KCNIP4: variants seen among roughly 807,000 people sequenced by gnomAD.
KCNIP4 encodes potassium voltage-gated channel interacting protein 4, also known as Kv channel-interacting protein 4.
Under a neutral mutation model 34.0 loss-of-function variants are expected in KCNIP4, and 12 were observed. The observed-to-expected ratio is 0.35, with a 90% CI of 0.23 to 0.57. The LOEUF (loss-of-function observed/expected upper bound fraction) is 0.57, where lower values mean the gene tolerates loss of function less well. Among genes scored for constraint, KCNIP4 ranks in the 20% least tolerant of loss-of-function variants. The pLI is 0.83. For missense variants in KCNIP4, 238 were observed against 311.7 expected, an observed-to-expected ratio of 0.76 and a Z score of 1.78; for synonymous variants, 124 against 102.2, an observed-to-expected ratio of 1.21 and a Z score of -1.29.
In KCNIP4 at chr4:21,543,503, A is replaced by ACTT. The variant is rs1422782903; in HGVS notation, c.61+405067_61+405068insAAG. Among the ~76,000 whole-genome samples the ACTT allele has an allele frequency of 1.2e-4, 18 of 152,246 alleles. No homozygotes were observed. In the East Asian group the frequency reaches 3.5e-3, roughly 29 times the overall value. On this transcript the variant is annotated intron_variant, in intron 1 of 8. Coordinates refer to ENST00000382152, the MANE Select transcript of KCNIP4 (RefSeq NM_025221.6). Reference sequence around the variant, plus strand: ...ATTTGCTCTACAATAGAGGTATTAGATGATGTAAGTAAACTTCAAAGCCAA... The same window carrying ACTT: ...ATTTGCTCTACAATAGAGGTATTAGACTTTGATGTAAGTAAACTTCAAAGCCAA...
chr4:21,249,518 C>CT (rs1283378830), intron 1 of KCNIP4, among the ~76,000 whole-genome samples: 26 of 151,924 alleles, frequency 1.7e-4, no homozygotes, highest in East Asian at 3.9e-4. Flanking sequence ...CATGTCAGGC[C>CT]TTTTTTTCGT....
chr4:21,856,110 A>T (rs6840539), intron 1 of KCNIP4, among the ~76,000 whole-genome samples: 71,324 of 151,916 alleles, frequency 0.47, 18,201 homozygotes, highest in East Asian at 0.75. Flanking sequence ...TGTCCCCCTC[A>T]CTATTGTTAA....
rs755266993 is a variant in KCNIP4 at position 21,259,920 on chromosome 4, T to TGTGTGTGTGTGCGCGC, written c.62-377212_62-377211insGCGCGCACACACACAC. Among the ~76,000 whole-genome samples, 6 of 150,200 alleles carry TGTGTGTGTGTGCGCGC rather than the reference T, an allele frequency of 4.0e-5. No homozygotes were observed. In the East Asian group the frequency reaches 1.0e-3, roughly 25 times the overall value. On this transcript the variant is annotated intron_variant, in intron 1 of 8. Transcript: ENST00000382152. ...GTGTGTGTGTGTGTGTGTGTGTGTGTGCACGTGCGCTTATGTGCATTGTGC... is the reference window on the plus strand; with the variant it reads ...GTGTGTGTGTGTGTGTGTGTGTGTGTGTGTGTGTGTGCGCGCGCACGTGCGCTTATGTGCATTGTGC...
chr4:20,743,697 G>C (rs201862811), intron 5 of KCNIP4, among the ~76,000 whole-genome samples: 1,801 of 152,128 alleles, frequency 0.012, 21 homozygotes, highest in East Asian at 0.035. Flanking sequence ...TACCATTCAG[G>C]ACATAGGCAT....
chr4:21,146,837 A>G (rs1752391538), intron 1 of KCNIP4, among the ~76,000 whole-genome samples: 1 of 152,178 alleles, frequency 6.6e-6, no homozygotes, highest in Non-Finnish European at 1.5e-5. Flanking sequence ...AAGTCATAGA[A>G]AAGCATTTTT....
intron 1 of KCNIP4, among the ~76,000 whole-genome samples, chr4:21,563,629 A>T (rs1444074613): frequency 1.3e-5 from 2 of 152,128 alleles, no homozygotes; most frequent in Non-Finnish European, 2.9e-5. Flanking sequence ...TAGAAAAAGT[A>T]CTCAAATATG....
chr4:21,444,454 T>C (rs1420068534), intron 1 of KCNIP4, among the ~76,000 whole-genome samples: 2 of 152,186 alleles, frequency 1.3e-5, no homozygotes, highest in African/African-American at 4.8e-5. Context: ...ATCCCTGGGA[T>C]GCAAGGCTGG....
intron 1 of KCNIP4, among the ~76,000 whole-genome samples, chr4:21,258,486 T>C (rs6847281): frequency 0.26 from 38,976 of 152,094 alleles, 8,315 homozygotes; most frequent in African/African-American, 0.58. Flanking sequence ...TATCCAGCAA[T>C]ATGGGAATTT....
intron 1 of KCNIP4, among the ~76,000 whole-genome samples, chr4:21,399,744 C>T (rs1723314140): frequency 6.6e-6 from 1 of 151,888 alleles, no homozygotes; most frequent in Non-Finnish European, 1.5e-5. Context: ...CCAACCTCCA[C>T]CTCACAGGTT....
At chr4:21,115,978 C>G (rs919952205) in intron 1 of KCNIP4, among the ~76,000 whole-genome samples, 4 of 152,160 alleles carry the variant, frequency 2.6e-5, no homozygotes, top group Non-Finnish European at 5.9e-5. Context: ...TTTAGAACTA[C>G]TGATAATAAA....
intron 1 of KCNIP4, among the ~76,000 whole-genome samples, chr4:21,205,910 A>G (rs1412508764): frequency 1.3e-5 from 2 of 152,176 alleles, no homozygotes; most frequent in East Asian, 1.9e-4. Context: ...TCACCTGAAC[A>G]GAAACAAATA....
chr4:20,811,546 G>A (rs1021345017), intron 3 of KCNIP4, among the ~76,000 whole-genome samples: 2 of 152,096 alleles, frequency 1.3e-5, no homozygotes, highest in Non-Finnish European at 2.9e-5. Flanking sequence ...CCAGAGGGGA[G>A]ATAAGGGAAA....
At chr4:20,944,025 C>T (rs1041647115) in intron 1 of KCNIP4, among the ~76,000 whole-genome samples, 18 of 152,182 alleles carry the variant, frequency 1.2e-4, no homozygotes, top group Non-Finnish European at 2.6e-4. Flanking sequence ...TGACCAGTTG[C>T]TCTACCTAAA....
intron 1 of KCNIP4, among the ~76,000 whole-genome samples, chr4:21,578,878 G>T (rs980511915): frequency 6.6e-4 from 100 of 152,288 alleles, no homozygotes; most frequent in Middle Eastern, 3.4e-3. Flanking sequence ...AAGTACATTT[G>T]TCTTGCATAC....
At chr4:21,597,753 T>G (rs1406745207) in intron 1 of KCNIP4, among the ~76,000 whole-genome samples, 2 of 152,166 alleles carry the variant, frequency 1.3e-5, no homozygotes, top group African/African-American at 4.8e-5. Context: ...TAAAATATAC[T>G]ACCATGCTGT....
In KCNIP4 at chr4:21,585,798, G is replaced by A. The variant is rs562215033; in HGVS notation, c.61+362773C>T. 1.2e-4 allele frequency among the ~76,000 whole-genome samples: 18 copies of A among 151,946 alleles called. No individual in the cohort carries two copies. In the South Asian group the frequency reaches 3.5e-3, roughly 30 times the overall value. On this transcript the variant is annotated intron_variant, in intron 1 of 8. Transcript: ENST00000382152. ...TTTTCATGAAGTGAGGGTGTTGGAA[G>A]GAAAACAAAACCTTGAGATAATGGA... is the stretch of plus-strand genomic sequence containing the variant.
chr4:20,862,248 C>T (rs1176936659), intron 2 of KCNIP4, among the ~76,000 whole-genome samples: 1 of 152,018 alleles, frequency 6.6e-6, no homozygotes, highest in Admixed American at 6.6e-5. Flanking sequence ...CTCTGCCTCC[C>T]AAAGTGCTGG....
At chr4:21,889,035 A>C (rs73258511) in intron 1 of KCNIP4, among the ~76,000 whole-genome samples, 9,933 of 152,202 alleles carry the variant, frequency 0.065, 435 homozygotes, top group Non-Finnish European at 0.1. Context: ...CACTATATTA[A>C]TGGCATGTCA....
At chr4:21,614,151 A>C (rs1744405051) in intron 1 of KCNIP4, among the ~76,000 whole-genome samples, 1 of 152,098 alleles carries the variant, frequency 6.6e-6, no homozygotes, top group Admixed American at 6.6e-5. Context: ...TCTCAAAAAA[A>C]AAAAAAAAAT....
Sources: allele counts gnomAD v4.1 joint callset (sites outside exome capture counted in the v4.1 genomes callset), GRCh38; gene constraint gnomAD v4.1.1; transcripts MANE v1.5; gene names NCBI Gene and HGNC (gene_info 2026-07-23, HGNC 2026-07-21).